Variants in GPC5 observed in about 807,000 individuals in gnomAD.
GPC5 encodes the protein glypican-5.
Under a neutral mutation model 53.9 loss-of-function variants are expected in GPC5, and 47 were observed. The ratio of observed to expected loss-of-function variants is 0.87; its 90% CI spans 0.69 to 1.11. The LOEUF (loss-of-function observed/expected upper bound fraction) is 1.11. Ranked by LOEUF, GPC5 falls within the 50% of genes most tolerant of loss-of-function variation. GPC5 has a pLI of 0.00. For missense variants in GPC5, 748 were observed against 713.1 expected, an observed-to-expected ratio of 1.05 and a Z score of -0.56; for synonymous variants, 286 against 263.3, an observed-to-expected ratio of 1.09 and a Z score of -0.84.
chr13:92,374,479 G>T (rs2043676346), intron 7 of GPC5, among the ~76,000 whole-genome samples: 1 of 152,064 alleles, frequency 6.6e-6, no homozygotes, highest in Non-Finnish European at 1.5e-5. Flanking sequence ...CCTAGTAGGA[G>T]CTTCCTCCTG....
intron 7 of GPC5, among the ~76,000 whole-genome samples, chr13:92,283,014 A>G (rs1401218185): frequency 8.5e-5 from 13 of 152,226 alleles, no homozygotes; most frequent in Admixed American, 8.5e-4. Context: ...ACATGCAGAG[A>G]CACACATAGG....
chr13:91,682,608 G>C (rs1393895494), intron 2 of GPC5, among the ~76,000 whole-genome samples: 1 of 152,192 alleles, frequency 6.6e-6, no homozygotes, highest in Non-Finnish European at 1.5e-5. Context: ...GAGATAGAAA[G>C]ATGAACAGGA....
chr13:92,186,451 T>C (rs2042184344), intron 7 of GPC5, among the ~76,000 whole-genome samples: 1 of 151,896 alleles, frequency 6.6e-6, no homozygotes, highest in African/African-American at 2.4e-5. Flanking sequence ...ATGAGTAAAT[T>C]TTGGCCAGAA....
At chr13:91,915,655 A>G (rs943320366) in intron 6 of GPC5, among the ~76,000 whole-genome samples, 7 of 152,146 alleles carry the variant, frequency 4.6e-5, no homozygotes, top group African/African-American at 1.7e-4. Context: ...TATTTAGGTG[A>G]CTAGGACAAA....
chr13:92,754,866 C>A (rs1302754675), intron 7 of GPC5, among the ~76,000 whole-genome samples: 11 of 145,758 alleles, frequency 7.5e-5, no homozygotes, highest in African/African-American at 5.1e-5. Context: ...CTTAGACTCC[C>A]ACACATTAAT....
chr13:92,366,075 C>T (rs1304678936), intron 7 of GPC5, among the ~76,000 whole-genome samples: 1 of 151,578 alleles, frequency 6.6e-6, no homozygotes, highest in Non-Finnish European at 1.5e-5. Flanking sequence ...AGCATCACCA[C>T]AAACACATGA....
At chr13:91,448,632 C>T (rs1880963059) in intron 1 of GPC5, 129 bp from the exon 2 acceptor site, 1 of 821,916 alleles carries the variant, frequency 1.2e-6, no homozygotes, top group South Asian at 2.2e-5. Context: ...TTTCTTATAG[C>T]AAGTACTCTA....
intron 6 of GPC5, among the ~76,000 whole-genome samples, chr13:91,944,295 A>G (rs1428749098): frequency 6.6e-5 from 10 of 151,820 alleles, no homozygotes; most frequent in Non-Finnish European, 1.2e-4. Context: ...CCATGGTTTC[A>G]CCGTGTTAGC....
At chr13:92,637,031 C>T (rs1885429010) in intron 7 of GPC5, among the ~76,000 whole-genome samples, 1 of 152,104 alleles carries the variant, frequency 6.6e-6, no homozygotes, top group East Asian at 1.9e-4. Context: ...ATTCTCCCCA[C>T]CCAAAAAGAG....
chr13:92,676,592 G>A (rs187699201), intron 7 of GPC5, among the ~76,000 whole-genome samples: 8 of 152,154 alleles, frequency 5.3e-5, no homozygotes, highest in Admixed American at 3.3e-4. Flanking sequence ...AGTTCGACTC[G>A]ACTGTTAAGT....
chr13:92,768,139 T>C (rs1400051436), intron 7 of GPC5, among the ~76,000 whole-genome samples: 1 of 152,216 alleles, frequency 6.6e-6, no homozygotes, highest in Non-Finnish European at 1.5e-5. Context: ...ATTTCTTTTC[T>C]GTTTTCTAAC....
intron 5 of GPC5, among the ~76,000 whole-genome samples, chr13:91,850,072 C>T (rs555035280): frequency 5.3e-5 from 8 of 152,088 alleles, no homozygotes; most frequent in Non-Finnish European, 1.0e-4. Context: ...TATCTTTCAA[C>T]GGAGGTTTTT....
chr13:92,560,553 G>C (rs1406968972), intron 7 of GPC5, among the ~76,000 whole-genome samples: 1 of 151,956 alleles, frequency 6.6e-6, no homozygotes, highest in Non-Finnish European at 1.5e-5. Flanking sequence ...TGGGTAAATG[G>C]AACAAGTCTA....
chr13:91,452,297 T>C (rs1466169787), intron 2 of GPC5, among the ~76,000 whole-genome samples: 1 of 152,128 alleles, frequency 6.6e-6, no homozygotes, highest in Non-Finnish European at 1.5e-5. Flanking sequence ...AATCTGTTTT[T>C]AGAAGGACTC....
rs1386195633 is a variant in GPC5 at position 92,866,321 on chromosome 13, T to C, written c.1601T>C (p.Ile534Thr). The C allele has an allele frequency of 2.5e-6, 4 of 1,612,614 alleles. No homozygotes were observed. The highest frequency in any genetic ancestry group is 3.4e-6 in the Non-Finnish European group (4 of 1,179,044). The change falls in exon 8 of 8, where the codon ATC becomes ACC. Residue 534 changes from isoleucine to threonine, a missense_variant. Ile to Thr is a moderately conservative substitution (Grantham distance 89). Coordinates refer to ENST00000377067, the MANE Select transcript of GPC5 (RefSeq NM_004466.6). ...ATGAACTTCAGTGATGTAAAGCAAA[T>C]CCATCAAACAGACACTGGCAGTACT... ...DDMNFSDVKQIHQTDTGSTLD... is the reference protein window; with the variant it reads ...DDMNFSDVKQTHQTDTGSTLD...
chr13:91,807,574 C>CAACTT (rs1228570002), intron 5 of GPC5, among the ~76,000 whole-genome samples: 1 of 152,136 alleles, frequency 6.6e-6, no homozygotes, highest in Non-Finnish European at 1.5e-5. Context: ...AATAATCTAA[C>CAACTT]AACTAGCCAT....
intron 7 of GPC5, among the ~76,000 whole-genome samples, chr13:92,595,107 T>C (rs949801311): frequency 6.6e-6 from 1 of 152,200 alleles, no homozygotes; most frequent in Non-Finnish European, 1.5e-5. Flanking sequence ...ATCCAGATGC[T>C]TTACCATATT....
Position 92,463,160 on chromosome 13 carries a change from A to G in GPC5, c.1561+318171A>G, listed in dbSNP as rs1308323526. Among the ~76,000 whole-genome samples, 5 of 152,220 alleles carry G rather than the reference A, an allele frequency of 3.3e-5. No homozygotes were observed. The South Asian group carries it at 1.0e-3, about 31-fold the overall frequency. Reference sequence around the variant, plus strand: ...CCCGATTTACATGAGGAAAATATCAAGATTATCCCAAGATTTGGACCATTG... The same window carrying G: ...CCCGATTTACATGAGGAAAATATCAGGATTATCCCAAGATTTGGACCATTG... On this transcript the variant is annotated intron_variant, in intron 7 of 7. Transcript: ENST00000377067.
chr13:92,826,888 A>T lies in GPC5; in HGVS notation c.1562-39394A>T, dbSNP rs56073848. Among the ~76,000 whole-genome samples, 264 of 152,136 alleles carry T rather than the reference A, an allele frequency of 1.7e-3. 2 individuals are homozygous for T. Among genetic ancestry groups the T allele is most frequent in the Non-Finnish European group, 8.1e-4 (55 of 67,984 alleles). On this transcript the variant is annotated intron_variant, in intron 7 of 7. Transcript: ENST00000377067. Reference sequence around the variant, plus strand: ...CTATGCCCTTTAACAAGGCTTATTGACTTTCATTGCCGTTCTGCAGGAGTT... The same window carrying T: ...CTATGCCCTTTAACAAGGCTTATTGTCTTTCATTGCCGTTCTGCAGGAGTT...
Sources: gnomAD v4.1 joint callset for allele counts (sites outside exome capture counted in the v4.1 genomes callset) on GRCh38, gnomAD v4.1.1 for gene constraint, MANE v1.5 for transcripts, NCBI Gene and HGNC (gene_info 2026-07-23, HGNC 2026-07-21) for gene names.